YBX2: variants seen among roughly 807,000 people sequenced by gnomAD.
YBX2 encodes Y-box-binding protein 2.
In YBX2, 5 loss-of-function variants were observed where a neutral mutation model predicts 44.4. That is an observed-to-expected ratio of 0.11 (90% CI 0.06 to 0.24). The LOEUF (loss-of-function observed/expected upper bound fraction) is 0.24, where lower values mean the gene tolerates loss of function less well. Ranked by LOEUF, YBX2 falls within the 10% of genes least tolerant of loss-of-function variation. The pLI is 1.00. For missense variants in YBX2, 417 were observed against 526.9 expected, an observed-to-expected ratio of 0.79 and a Z score of 2.04; for synonymous variants, 188 against 216.1, an observed-to-expected ratio of 0.87 and a Z score of 1.14.
chr17:7,294,551 C>T lies in YBX2; in HGVS notation c.-51G>A. 2.1e-6 allele frequency: 3 copies of T among 1,400,998 alleles called. No individual in the cohort carries two copies. Among genetic ancestry groups the T allele is most frequent in the Non-Finnish European group, 2.8e-6 (3 of 1,075,668 alleles). 86.8% of individuals were successfully genotyped at this position (1,400,998 alleles called of 1,614,324 possible). ...GCCGCCACCGCCCCGGCCCCTCCCC[C>T]CGGCTCGCGAACCCACCGCCCTGCT... On this transcript the variant is annotated 5_prime_UTR_variant, in exon 1 of 9. Coordinates refer to ENST00000007699, the MANE Select transcript of YBX2 (RefSeq NM_015982.4). The surrounding 1 kb of genome is among the most constrained non-coding windows in gnomAD (Gnocchi z 4.6).
rs1246294923 is a variant in YBX2, at chr17:7,291,985, A to T, written c.369+41T>A. 6 of 1,613,660 alleles carry T rather than the reference A, an allele frequency of 3.7e-6. No homozygotes were observed. Among genetic ancestry groups the T allele is most frequent in the Non-Finnish European group, 8.5e-7 (1 of 1,179,612 alleles). On this transcript the variant is annotated intron_variant, in intron 3 of 8. Coordinates refer to ENST00000007699, the MANE Select transcript of YBX2 (RefSeq NM_015982.4). This position sits in a 1 kb window ranked among gnomAD's most constrained non-coding sequence, Gnocchi z 5.8. ...AGGATTACAGCAAAGGCCTTCAAAG[A>T]CGGCCGGTTCTTCCCCTCAGAAAGC...
chr17:7,291,925 G>C lies in YBX2; in HGVS notation c.369+101C>G. Reference sequence around the variant, plus strand: ...CCCAAGGCGGATGGGCCGTTGTGAAGAAGAGCCAGAGAAACATGGCGGAGC... The same window carrying C: ...CCCAAGGCGGATGGGCCGTTGTGAACAAGAGCCAGAGAAACATGGCGGAGC... On this transcript the variant is annotated intron_variant, in intron 3 of 8. Transcript: ENST00000007699. The surrounding 1 kb of genome is among the most constrained non-coding windows in gnomAD (Gnocchi z 5.8). 6.7e-7 allele frequency: 1 copy of C among 1,483,546 alleles called. No homozygotes were observed. Among genetic ancestry groups the C allele is most frequent in the Non-Finnish European group, 9.4e-7 (1 of 1,062,528 alleles). The allele number at this position is 1,483,546 out of a possible 1,614,324, so 91.9% of individuals were successfully genotyped here.
At position 7,294,564 on chromosome 17, in the gene YBX2, C is replaced by A; in HGVS notation, c.-64G>T. 2 of 1,375,480 alleles carry A rather than the reference C, an allele frequency of 1.5e-6. No homozygotes were observed. Among genetic ancestry groups the A allele is most frequent in the Non-Finnish European group, 1.9e-6 (2 of 1,062,502 alleles). The allele number at this position is 1,375,480 out of a possible 1,614,324, so 85.2% of individuals were successfully genotyped here. A position where few individuals can be genotyped will look rare whatever the true frequency, so the allele number is the denominator to read the frequency against. Reference sequence around the variant, plus strand: ...CGGCCCCTCCCCCCGGCTCGCGAACCCACCGCCCTGCTCGGTCCTCGCGCC... The same window carrying A: ...CGGCCCCTCCCCCCGGCTCGCGAACACACCGCCCTGCTCGGTCCTCGCGCC... On this transcript the variant is annotated 5_prime_UTR_variant, in exon 1 of 9. Coordinates refer to ENST00000007699, the MANE Select transcript of YBX2 (RefSeq NM_015982.4). This position sits in a 1 kb window ranked among gnomAD's most constrained non-coding sequence, Gnocchi z 4.6.
chr17:7,290,682 T>A, intron 4 of YBX2, 147 bp from the exon 5 acceptor site: 1 of 969,226 alleles, frequency 1.0e-6, no homozygotes, highest in Non-Finnish European at 1.5e-6. Flanking sequence ...GGAGAGGCAG[T>A]GGAATGTGCT....
Position 7,294,331 on chromosome 17 carries a change from G to A in YBX2, c.170C>T (p.Thr57Ile), listed in dbSNP as rs530300551. The change falls in exon 1 of 9, where the codon ACC becomes ATC. Residue 57 changes from threonine to isoleucine, a missense_variant. By Grantham distance (89) the Thr-to-Ile change is moderately conservative. Transcript: ENST00000007699. This position sits in a 1 kb window ranked among gnomAD's most constrained non-coding sequence, Gnocchi z 4.6. ...GGAASGPAAG[T>I]PSAPGSRTPG... ...GGTGCGGGAGCCCGGCGCCGAGGGG[G>A]TCCCAGCAGCGGGGCCCGAGGCGGC... 2 of 1,307,508 alleles carry A rather than the reference G, an allele frequency of 1.5e-6. No individual in the cohort carries two copies. Among genetic ancestry groups the A allele is most frequent in the East Asian group, 3.1e-5 (1 of 31,986 alleles). The allele number at this position is 1,307,508 out of a possible 1,614,324, so 81.0% of individuals were successfully genotyped here. A position where few individuals can be genotyped will look rare whatever the true frequency, so the allele number is the denominator to read the frequency against.
Position 7,290,440 on chromosome 17 carries a change from G to A in YBX2, c.555C>T (p.Pro185=), listed in dbSNP as rs2072493450. The A allele has an allele frequency of 1.9e-6, 3 of 1,614,014 alleles. No homozygotes were observed. The highest frequency in any genetic ancestry group is 1.3e-5 in the African/African-American group (1 of 74,926). Residue 185 remains proline, a synonymous_variant, in exon 5 of 9, where the codon CCC becomes CCT. Coordinates refer to ENST00000007699, the MANE Select transcript of YBX2 (RefSeq NM_015982.4). ...GTGGTGGGGCAACTGAGGGAGGCCG[G>A]GGGATGAATCGGCGGGACTTACGTC... ...PNRRKSRRFI[P]RPPSVAPPPM... is the part of the protein sequence containing the mutation.
rs564761772 is a variant in YBX2 at position 7,291,940 on chromosome 17, C to T, written c.369+86G>A. ...CCGTTGTGAAGAAGAGCCAGAGAAA[C>T]ATGGCGGAGCGCACTGCTAAGGATT... is the stretch of plus-strand genomic sequence containing the variant. On this transcript the variant is annotated intron_variant, in intron 3 of 8. Transcript: ENST00000007699. The surrounding 1 kb of genome is among the most constrained non-coding windows in gnomAD (Gnocchi z 5.8). 7.1e-6 allele frequency: 11 copies of T among 1,546,688 alleles called. 1 individual carries two copies. The African/African-American group carries it at 1.5e-4, about 21-fold the overall frequency.
intron 6 of YBX2, 101 bp downstream of exon 6, chr17:7,289,867 C>T (rs748645141): frequency 6.3e-7 from 1 of 1,584,654 alleles, no homozygotes. Flanking sequence ...TCGCCAGGAG[C>T]CCAGGCTCTG....
At chr17:7,288,697 C>T in intron 8 of YBX2, 52 bp downstream of exon 8, 2 of 1,473,230 alleles carry the variant, frequency 1.4e-6, no homozygotes, top group Non-Finnish European at 9.5e-7. Context: ...TTGTCATCGC[C>T]ACCCAGTACC....
chr17:7,290,275 A>G lies in YBX2; in HGVS notation c.720T>C (p.Pro240=), dbSNP rs2072491243. The G allele has an allele frequency of 3.7e-6, 6 of 1,612,742 alleles. No homozygotes were observed. The highest frequency in any genetic ancestry group is 1.3e-5 in the African/African-American group (1 of 74,844). Residue 240 remains proline (P), a synonymous_variant, in exon 5 of 9, where the codon CCT becomes CCC. Transcript: ENST00000007699. ...CCTCTATAGGCTGCTGCTGGTTGGG[A>G]GGCCGGGGGCCTCGCACAAACCGCC... ...YRRRFVRGPR[P]PNQQQPIEGT...
chr17:7,293,583 G>T (rs369031481), intron 1 of YBX2, 45 bp from the exon 2 acceptor site: 4 of 1,613,936 alleles, frequency 2.5e-6, no homozygotes, highest in Non-Finnish European at 3.4e-6. Flanking sequence ...GGGGGGAAGA[G>T]ATGGAGTTGA....
chr17:7,290,993 C>A (rs994839564), intron 4 of YBX2, 100 bp downstream of exon 4: 14 of 1,165,366 alleles, frequency 1.2e-5, no homozygotes, highest in Middle Eastern at 2.7e-4. Flanking sequence ...TCCCGCAGAA[C>A]GGGTCAGAGC....
intron 5 of YBX2, 76 bp downstream of exon 5, chr17:7,290,174 AC>A: frequency 6.2e-7 from 1 of 1,611,194 alleles, no homozygotes; most frequent in Non-Finnish European, 8.5e-7. Context: ...TTCTTTGGGG[AC>A]CCATGGTCTC....
At chr17:7,293,291 C>T (rs2072514953) in intron 2 of YBX2, 184 bp downstream of exon 2, 3 of 1,060,072 alleles carry the variant, frequency 2.8e-6, no homozygotes, top group Admixed American at 4.3e-5. Context: ...CTTGAAGATG[C>T]GGAGGAGGCT....
chr17:7,289,859 G>T, intron 6 of YBX2, 109 bp downstream of exon 6: 1 of 1,581,990 alleles, frequency 6.3e-7, no homozygotes, highest in Non-Finnish European at 8.6e-7. Flanking sequence ...CACCTGTCTC[G>T]CCAGGAGCCC....
chr17:7,288,901 C>G (rs2072475394), intron 7 of YBX2, 63 bp from the exon 8 acceptor site: 1 of 1,601,076 alleles, frequency 6.2e-7, no homozygotes. Flanking sequence ...AGTCTCACTC[C>G]AGGTTGGATG....
intron 4 of YBX2, among the ~76,000 whole-genome samples, chr17:7,290,745 C>A (rs74441401): frequency 2.0e-5 from 3 of 152,234 alleles, no homozygotes; most frequent in Non-Finnish European, 2.9e-5. Flanking sequence ...TGCTACTGCA[C>A]CCTCCTGAGT....
Position 7,290,668 on chromosome 17 carries a change from C to T in YBX2, c.460-133G>A, listed in dbSNP as rs550562529. ...AGCTCCTCTAACTTCTTTCTACCCT[C>T]CCTGGAGAGGCAGTGGAATGTGCTT... On this transcript the variant is annotated intron_variant, in intron 4 of 8. Transcript: ENST00000007699. 1.3e-3 allele frequency: 1,433 copies of T among 1,093,430 alleles called. 2 individuals are homozygous for T. The highest frequency in any genetic ancestry group is 1.7e-3 in the Non-Finnish European group (1,331 of 777,086). 67.7% of individuals were successfully genotyped at this position (1,093,430 alleles called of 1,614,324 possible). A position where few individuals can be genotyped will look rare whatever the true frequency, so the allele number is the denominator to read the frequency against.
At chr17:7,289,504 T>A in intron 7 of YBX2, 26 bp downstream of exon 7, 1 of 1,578,324 alleles carries the variant, frequency 6.3e-7, no homozygotes, top group Non-Finnish European at 8.6e-7. Context: ...CAGCCTTTTC[T>A]TTCATCCCAC....
Sources: allele counts gnomAD v4.1 joint callset (sites outside exome capture counted in the v4.1 genomes callset), GRCh38; gene constraint gnomAD v4.1.1; non-coding constraint Gnocchi (gnomAD v3.1); transcripts MANE v1.5; gene names NCBI Gene and HGNC (gene_info 2026-07-23, HGNC 2026-07-21).